RBMS3: variants seen among roughly 807,000 people sequenced by gnomAD.
RBMS3 encodes the protein RNA binding motif single stranded interacting protein 3.
RBMS3 carries 27 observed loss-of-function variants against 66.8 expected under a neutral mutation model. The ratio of observed to expected loss-of-function variants is 0.40; its 90% confidence interval spans 0.30 to 0.56. The LOEUF (loss-of-function observed/expected upper bound fraction) is 0.56. Ranked by LOEUF, RBMS3 falls within the 20% of genes least tolerant of loss-of-function variation. The pLI, the probability that RBMS3 is intolerant of heterozygous loss-of-function variation, is 0.40. For synonymous variants in RBMS3, 188 were observed against 183.0 expected (o/e 1.03, Z -0.22); for missense variants, 513 against 549.5 (o/e 0.93, Z 0.66).
rs145976721 is a variant in RBMS3 at position 29,602,688 on chromosome 3, C to T, written c.399+15483C>T. Among the ~76,000 whole-genome samples the T allele has an allele frequency of 1.2e-3, 189 of 152,110 alleles. 1 individual carries two copies. The highest frequency in any genetic ancestry group is 1.1e-3 in the Non-Finnish European group (73 of 67,960). On this transcript the variant is annotated intron_variant, in intron 4 of 14. Coordinates refer to ENST00000383767, the MANE Select transcript of RBMS3 (RefSeq NM_001003793.3). ...ATCACAATTTTCTTACAACTATTATCTTAGTTCAGAATTCTATAAAATGAA... is the reference window on the plus strand; with the variant it reads ...ATCACAATTTTCTTACAACTATTATTTTAGTTCAGAATTCTATAAAATGAA...
chr3:29,970,627 G>C (rs1697165456), intron 12 of RBMS3, among the ~76,000 whole-genome samples: 1 of 152,108 alleles, frequency 6.6e-6, no homozygotes, highest in Non-Finnish European at 1.5e-5. Context: ...TTTGAAACCA[G>C]ATGATTGTCT....
intron 1 of RBMS3, among the ~76,000 whole-genome samples, chr3:29,299,678 T>A (rs556147266): frequency 6.6e-6 from 1 of 151,930 alleles, no homozygotes; most frequent in African/African-American, 2.4e-5. Flanking sequence ...GTTTTAGGTA[T>A]TATAAGTAAC....
chr3:29,931,956 A>G (rs2061140153), intron 10 of RBMS3, among the ~76,000 whole-genome samples: 1 of 152,190 alleles, frequency 6.6e-6, no homozygotes, highest in African/African-American at 2.4e-5. Flanking sequence ...CAAATCACAG[A>G]CATTTTGACT....
At chr3:29,950,949 C>A (rs1695646234) in intron 12 of RBMS3, among the ~76,000 whole-genome samples, 1 of 151,802 alleles carries the variant, frequency 6.6e-6, no homozygotes, top group South Asian at 2.1e-4. Context: ...GTAAAATACC[C>A]AGCTTAATCT....
At chr3:29,983,859 C>A (rs940194975) in intron 12 of RBMS3, among the ~76,000 whole-genome samples, 4 of 152,070 alleles carry the variant, frequency 2.6e-5, no homozygotes, top group Non-Finnish European at 4.4e-5. Context: ...TCTTTCATTT[C>A]AACCTTGGTG....
At chr3:29,752,204 C>G (rs2055213432) in intron 5 of RBMS3, among the ~76,000 whole-genome samples, 1 of 152,180 alleles carries the variant, frequency 6.6e-6, no homozygotes, top group Admixed American at 6.5e-5. Context: ...GTTGGGCCAT[C>G]TGTGGCAGAA....
chr3:29,836,163 C>T lies in RBMS3; in HGVS notation c.638-32695C>T, dbSNP rs370008851. Among the ~76,000 whole-genome samples the T allele has an allele frequency of 2.6e-5, 4 of 152,108 alleles. No individual in the cohort carries two copies. The South Asian group carries it at 6.2e-4, about 24-fold the overall frequency. On this transcript the variant is annotated intron_variant, in intron 6 of 14. Transcript: ENST00000383767. ...AGAAAAACCTATGACCTAATGGCTT[C>T]ACTGGTGAATTATATCAAACATTTC...
At chr3:29,644,301 T>G (rs1384479018) in intron 4 of RBMS3, among the ~76,000 whole-genome samples, 1 of 152,198 alleles carries the variant, frequency 6.6e-6, no homozygotes, top group Non-Finnish European at 1.5e-5. Context: ...TTGAACGGGT[T>G]TCAATCACAA....
intron 6 of RBMS3, among the ~76,000 whole-genome samples, chr3:29,840,253 A>G (rs1176659732): frequency 6.6e-6 from 1 of 152,090 alleles, no homozygotes; most frequent in Non-Finnish European, 1.5e-5. Context: ...ATACACATCA[A>G]CATTTGTCAT....
intron 4 of RBMS3, among the ~76,000 whole-genome samples, chr3:29,607,470 C>A (rs556640281): frequency 2.0e-5 from 3 of 151,976 alleles, no homozygotes; most frequent in African/African-American, 7.2e-5. Context: ...GGATATTATT[C>A]CCATATATGA....
chr3:29,742,980 G>A (rs183845957), intron 5 of RBMS3, among the ~76,000 whole-genome samples: 50 of 152,312 alleles, frequency 3.3e-4, no homozygotes, highest in Non-Finnish European at 4.6e-4. Context: ...TAAAAATGAA[G>A]TGTGAGTCTG....
chr3:29,567,287 G>T (rs972785831), intron 3 of RBMS3, among the ~76,000 whole-genome samples: 3 of 152,132 alleles, frequency 2.0e-5, no homozygotes, highest in African/African-American at 4.8e-5. Flanking sequence ...AGCAGGAAAA[G>T]AAATTGATTT....
rs189760572 is a variant in RBMS3, at chr3:29,918,214, G to A, written c.940-17872G>A. On this transcript the variant is annotated intron_variant, in intron 10 of 14. Transcript: ENST00000383767. Reference sequence around the variant, plus strand: ...ATTTAACCTAGAGTAAATCAAGTTGGCAGATTAATAAAAAATTATTATTGG... The same window carrying A: ...ATTTAACCTAGAGTAAATCAAGTTGACAGATTAATAAAAAATTATTATTGG... Among the ~76,000 whole-genome samples the A allele has an allele frequency of 7.2e-4, 110 of 152,102 alleles. 1 individual carries two copies. Among genetic ancestry groups the A allele is most frequent in the Non-Finnish European group, 3.2e-4 (22 of 67,954 alleles).
chr3:29,619,295 A>C (rs2149149639), intron 4 of RBMS3, among the ~76,000 whole-genome samples: 1 of 151,988 alleles, frequency 6.6e-6, no homozygotes, highest in African/African-American at 2.4e-5. Flanking sequence ...TGAATAAAGA[A>C]AACAGTTTTA....
intron 10 of RBMS3, among the ~76,000 whole-genome samples, chr3:29,909,821 T>C (rs568816383): frequency 6.6e-6 from 1 of 152,222 alleles, no homozygotes; most frequent in East Asian, 1.9e-4. Flanking sequence ...CCTTTCTGCA[T>C]GTGGTTTTCT....
At chr3:29,435,866 T>C (rs2041380093) in intron 2 of RBMS3, among the ~76,000 whole-genome samples, 1 of 148,750 alleles carries the variant, frequency 6.7e-6, no homozygotes, top group South Asian at 2.2e-4. Flanking sequence ...TCCGAGCTAC[T>C]CAGGAGGCTG....
intron 3 of RBMS3, among the ~76,000 whole-genome samples, chr3:29,517,995 G>A (rs2044710442): frequency 6.6e-6 from 1 of 152,082 alleles, no homozygotes; most frequent in Non-Finnish European, 1.5e-5. Flanking sequence ...TCTTATCTTA[G>A]GGTAGCTAAA....
At chr3:29,515,148 G>C (rs2044573248) in intron 3 of RBMS3, among the ~76,000 whole-genome samples, 2 of 152,188 alleles carry the variant, frequency 1.3e-5, no homozygotes, top group Non-Finnish European at 1.5e-5. Context: ...TTTGGAAAAG[G>C]CTTAGGTGAA....
intron 5 of RBMS3, among the ~76,000 whole-genome samples, chr3:29,744,817 G>A (rs2054811837): frequency 1.3e-5 from 2 of 151,228 alleles, no homozygotes; most frequent in South Asian, 4.2e-4. Context: ...TATTTAATTG[G>A]GAGAATACCT....
Sources: gnomAD v4.1 joint callset for allele counts (sites outside exome capture counted in the v4.1 genomes callset) on GRCh38, gnomAD v4.1.1 for gene constraint, MANE v1.5 for transcripts, NCBI Gene and HGNC (gene_info 2026-07-23, HGNC 2026-07-21) for gene names.